TKT: variants seen among roughly 807,000 people sequenced by gnomAD.
The protein encoded by TKT is epididymis luminal protein 107.
TKT carries 47 observed loss-of-function variants against 63.9 expected under a neutral mutation model. That is an observed-to-expected ratio of 0.74 (90% confidence interval 0.58 to 0.94). The LOEUF is 0.94. TKT is among the 40% of genes least tolerant of loss of function. The pLI is 0.00. For missense variants in TKT, 721 were observed against 846.2 expected (o/e 0.85, Z 1.84); for synonymous variants, 338 against 334.1 (o/e 1.01, Z -0.13).
rs1214879787 is a variant in TKT at position 53,224,950 on chromosome 3, T to C, written c.*806A>G. 1 of 152,276 alleles carries C rather than the reference T, an allele frequency of 6.6e-6. No individual in the cohort carries two copies. The highest frequency in any genetic ancestry group is 1.5e-5 in the Non-Finnish European group (1 of 68,112). The allele number at this position is 152,276 out of a possible 1,614,324, so 9.4% of individuals were successfully genotyped here. A position where few individuals can be genotyped will look rare whatever the true frequency, so the allele number is the denominator to read the frequency against. ...CCGAGCAGCAGGGGGAGAAATCCACTGTGGTCAGCAGTGTGAGGGCAGTCA... is the reference window on the plus strand; with the variant it reads ...CCGAGCAGCAGGGGGAGAAATCCACCGTGGTCAGCAGTGTGAGGGCAGTCA... On this transcript the variant is annotated 3_prime_UTR_variant, in exon 14 of 14. Transcript: ENST00000462138.
chr3:53,236,659 A>G (rs1252127363), intron 4 of TKT, among the ~76,000 whole-genome samples: 1 of 152,222 alleles, frequency 6.6e-6, no homozygotes, highest in Admixed American at 6.5e-5. Flanking sequence ...AAGGGATTCC[A>G]GGGAAGGCAA....
At position 53,231,723 on chromosome 3, in the gene TKT, T is replaced by G. The variant is rs565596194; in HGVS notation, c.749-173A>C. The G allele has an allele frequency of 2.4e-4, 151 of 639,760 alleles. No homozygotes were observed. In the South Asian group the frequency reaches 2.9e-3, roughly 12 times the overall value. 39.6% of individuals were successfully genotyped at this position (639,760 alleles called of 1,614,324 possible). ...GGGGGCCAGGAAAGGAGGGTCGCAG[T>G]GAATAGGATGGACTCCTACGTGCCC... On this transcript the variant is annotated intron_variant, in intron 6 of 13. Coordinates refer to ENST00000462138, the MANE Select transcript of TKT (RefSeq NM_001064.4).
intron 10 of TKT, 39 bp from the exon 11 acceptor site, chr3:53,228,398 G>A: frequency 2.5e-6 from 4 of 1,606,556 alleles, no homozygotes; most frequent in Non-Finnish European, 3.4e-6. Context: ...ACAGGATGTG[G>A]CACACCCAAC....
intron 12 of TKT, 40 bp from the exon 13 acceptor site, chr3:53,226,918 G>A (rs1553675689): frequency 1.9e-6 from 3 of 1,566,560 alleles, no homozygotes; most frequent in South Asian, 2.4e-5. Context: ...GGGGAGGGCT[G>A]GGCACCACTA....
intron 4 of TKT, among the ~76,000 whole-genome samples, chr3:53,237,495 T>TACACACACACACACACAC (rs3075727): frequency 1.4e-5 from 2 of 144,792 alleles, no homozygotes; most frequent in African/African-American, 5.1e-5. Flanking sequence ...TTTTATATTA[T>TACACACACACACACACAC]ACACACACAC....
chr3:53,229,499 G>A, intron 8 of TKT, 63 bp from the exon 9 acceptor site: 3 of 1,531,554 alleles, frequency 2.0e-6, no homozygotes, highest in Non-Finnish European at 1.8e-6. Context: ...GGGAGCCTAG[G>A]ACCCCTTTTG....
Position 53,225,693 on chromosome 3 carries a change from T to C in TKT, c.*63A>G, listed in dbSNP as rs782533015. ...TATTTACCCCTCCTCTCAGTACATC[T>C]TTGAGCACCTTTCCCAGAATCTCAG... On this transcript the variant is annotated 3_prime_UTR_variant, in exon 14 of 14. Transcript: ENST00000462138. 2 of 1,505,630 alleles carry C rather than the reference T, an allele frequency of 1.3e-6. No individual in the cohort carries two copies. Among genetic ancestry groups the C allele is most frequent in the Non-Finnish European group, 1.8e-6 (2 of 1,114,226 alleles). The allele number at this position is 1,505,630 out of a possible 1,614,324, so 93.3% of individuals were successfully genotyped here. A position where few individuals can be genotyped will look rare whatever the true frequency, so the allele number is the denominator to read the frequency against.
rs370433718 is a variant in TKT, at chr3:53,247,795, A to C, written c.108-5553T>G. On this transcript the variant is annotated intron_variant, in intron 1 of 13. Coordinates refer to ENST00000462138, the MANE Select transcript of TKT (RefSeq NM_001064.4). ...GCTCCAGACCTCAGGTTGTTTCTTCAGATCTCTGCCCCATGTCACCTCTTC... is the reference window on the plus strand; with the variant it reads ...GCTCCAGACCTCAGGTTGTTTCTTCCGATCTCTGCCCCATGTCACCTCTTC... Among the ~76,000 whole-genome samples, 21 of 152,176 alleles carry C rather than the reference A, an allele frequency of 1.4e-4. No individual in the cohort carries two copies. In the South Asian group the frequency reaches 3.9e-3, roughly 29 times the overall value.
chr3:53,233,325 C>G, intron 5 of TKT, 51 bp from the exon 6 acceptor site: 1 of 1,463,590 alleles, frequency 6.8e-7, no homozygotes. Flanking sequence ...GCCACAACAC[C>G]GAGGAGCCTT....
rs1553682206 is a variant in TKT at position 53,255,856 on chromosome 3, G to A, written c.87C>T (p.Ala29=). The part of the protein sequence containing the change: ...ANRLRISSIQ[A]TTAAGSGHPT... ...CTCACCCAGAGCCCGCCGCAGTGGT[G>A]GCCTGGATGGAGCTGATACGTAGGC... Residue 29 remains alanine (A), a synonymous_variant, in exon 1 of 14, where the codon GCC becomes GCT. Coordinates refer to ENST00000462138, the MANE Select transcript of TKT (RefSeq NM_001064.4). The A allele has an allele frequency of 4.5e-6, 7 of 1,541,972 alleles. No individual in the cohort carries two copies. The highest frequency in any genetic ancestry group is 5.2e-6 in the Non-Finnish European group (6 of 1,144,916).
chr3:53,254,530 C>A (rs1705896257), intron 1 of TKT, among the ~76,000 whole-genome samples: 1 of 152,172 alleles, frequency 6.6e-6, no homozygotes, highest in African/African-American at 2.4e-5. Flanking sequence ...AATAATATAT[C>A]CTGAATGAAA....
Position 53,235,037 on chromosome 3 carries a change from G to C in TKT, c.575C>G (p.Pro192Arg), listed in dbSNP as rs549160877. Residue 192 changes from proline to arginine, a missense_variant, in exon 5 of 14, where the codon CCG (proline) becomes CGG (arginine). Transcript: ENST00000462138. Reference protein sequence around the residue: ...LDINRLGQSDPAPLQHQMDIY... With the variant: ...LDINRLGQSDRAPLQHQMDIY... ...GTCCATCTGGTGCTGCAGTGGGGCCGGGTCACTCTGGCCCAGGCGATTGAT... is the reference window on the plus strand; with the variant it reads ...GTCCATCTGGTGCTGCAGTGGGGCCCGGTCACTCTGGCCCAGGCGATTGAT... 1 of 1,613,792 alleles carries C rather than the reference G, an allele frequency of 6.2e-7. No individual in the cohort carries two copies. The highest frequency in any genetic ancestry group is 1.3e-5 in the African/African-American group (1 of 74,916).
chr3:53,241,248 G>A lies in TKT; in HGVS notation c.226-3C>T. 1 of 1,597,402 alleles carries A rather than the reference G, an allele frequency of 6.3e-7. No individual in the cohort carries two copies. Among genetic ancestry groups the A allele is most frequent in the Non-Finnish European group, 8.5e-7 (1 of 1,174,420 alleles). ...TAGAGGATGGGAGCTGCATGGCCCT[G>A]CCGGGAGATGGATGGTGGGGTGAGG... On this transcript the variant is annotated splice_region_variant and splice_polypyrimidine_tract_variant and intron_variant, in intron 2 of 13. Transcript: ENST00000462138.
At chr3:53,254,094 T>G (rs1461933942) in intron 1 of TKT, among the ~76,000 whole-genome samples, 1 of 152,242 alleles carries the variant, frequency 6.6e-6, no homozygotes, top group Non-Finnish European at 1.5e-5. Context: ...AGATACCTAC[T>G]TGGCAGCTCA....
chr3:53,255,004 C>T (rs1442615582), intron 1 of TKT, among the ~76,000 whole-genome samples: 2 of 152,210 alleles, frequency 1.3e-5, no homozygotes, highest in African/African-American at 2.4e-5. Context: ...GCGCTAGGGC[C>T]CTGGAACTCC....
chr3:53,234,896 C>T, intron 5 of TKT, 87 bp downstream of exon 5: 2 of 1,379,384 alleles, frequency 1.4e-6, no homozygotes, highest in Non-Finnish European at 2.0e-6. Context: ...GTCCCAGCTT[C>T]AGCTCCTGCA....
rs1704745028 is a variant in TKT at position 53,231,324 on chromosome 3, T to C, written c.942+33A>G. The C allele has an allele frequency of 1.9e-6, 3 of 1,607,944 alleles. No individual in the cohort carries two copies. In the East Asian group the frequency reaches 6.7e-5, roughly 36 times the overall value. ...CCACAGACTTGGGAAACCTGAGAAC[T>C]ATGGGTTCAGAGAAACAGGCCCCAC... On this transcript the variant is annotated intron_variant, in intron 7 of 13. Transcript: ENST00000462138.
intron 1 of TKT, among the ~76,000 whole-genome samples, chr3:53,242,749 C>G (rs772471827): frequency 6.6e-6 from 1 of 152,164 alleles, no homozygotes; most frequent in Non-Finnish European, 1.5e-5. Context: ...TTGTGAAGGG[C>G]ACCCTGCCCT....
At chr3:53,247,359 A>AG (rs1705561726) in intron 1 of TKT, among the ~76,000 whole-genome samples, 1 of 146,044 alleles carries the variant, frequency 6.8e-6, no homozygotes, top group South Asian at 2.2e-4. Context: ...CTCAGCCTCA[A>AG]AAAAAAAAAA....
Sources: gnomAD v4.1 joint callset for allele counts (sites outside exome capture counted in the v4.1 genomes callset) on GRCh38, gnomAD v4.1.1 for gene constraint, MANE v1.5 for transcripts, NCBI Gene and HGNC (gene_info 2026-07-23, HGNC 2026-07-21) for gene names.